The following PNPLA8 variants were observed in gnomAD, a reference collection of about 807,000 sequenced individuals.
PNPLA8 encodes patatin like domain 8, phospholipase A2.
PNPLA8 carries 39 observed loss-of-function variants against 76.9 expected under a neutral mutation model. The observed-to-expected ratio is 0.51, with a 90% CI of 0.39 to 0.66. The LOEUF (loss-of-function observed/expected upper bound fraction) is 0.66, where lower values mean the gene tolerates loss of function less well. Ranked by LOEUF, PNPLA8 falls within the 30% of genes least tolerant of loss-of-function variation. The probability of loss-of-function intolerance (pLI) is 0.00; values close to 1 mark genes in which losing one functional copy is unlikely to be tolerated. For missense variants in PNPLA8, 887 were observed against 918.0 expected (o/e 0.97, Z 0.44); for synonymous variants, 301 against 307.9 (o/e 0.98, Z 0.24).
At chr7:108,502,704 AT>A in intron 4 of PNPLA8, 62 bp from the exon 5 acceptor site, 2 of 1,226,570 alleles carry the variant, frequency 1.6e-6, no homozygotes, top group Non-Finnish European at 2.3e-6. Flanking sequence ...ATGTATGATT[AT>A]TATTAACCAA....
chr7:108,517,438 T>TA, intron 2 of PNPLA8, among the ~76,000 whole-genome samples: 2 of 152,334 alleles, frequency 1.3e-5, no homozygotes, highest in South Asian at 4.1e-4. Flanking sequence ...AAGTCCATAA[T>TA]AAAATCTGCA....
At chr7:108,515,754 T>G (rs1268544046) in intron 2 of PNPLA8, among the ~76,000 whole-genome samples, 180 bp from the exon 3 acceptor site, 1 of 152,134 alleles carries the variant, frequency 6.6e-6, no homozygotes, top group Non-Finnish European at 1.5e-5. Context: ...TCACTTTCAG[T>G]ATAGAGGTAA....
rs569175779 is a variant in PNPLA8 at position 108,502,314 on chromosome 7, G to A, written c.1358+177C>T. 2.9e-3 allele frequency among the ~76,000 whole-genome samples: 436 copies of A among 151,654 alleles called. 1 individual carries two copies. Among genetic ancestry groups the A allele is most frequent in the Non-Finnish European group, 3.7e-3 (254 of 67,872 alleles). The stretch of plus-strand genomic sequence containing the variant: ...AAAAATTAGCCGGGTATGGTGGCGG[G>A]AGCCTGTAAATCCAGCTACTTGAGA... On this transcript the variant is annotated intron_variant, in intron 5 of 10. Coordinates refer to ENST00000257694, the MANE Select transcript of PNPLA8 (RefSeq NM_001256007.3).
At chr7:108,478,674 G>A (rs1410659896) in intron 10 of PNPLA8, among the ~76,000 whole-genome samples, 1 of 152,186 alleles carries the variant, frequency 6.6e-6, no homozygotes, top group Non-Finnish European at 1.5e-5. Context: ...TTACTGGTAT[G>A]AGCCATCGTG....
Position 108,470,742 on chromosome 7 carries a change from C to T in PNPLA8, c.*1659G>A, listed in dbSNP as rs1454661256. 1.3e-5 allele frequency: 2 copies of T among 152,088 alleles called. No homozygotes were observed. Among genetic ancestry groups the T allele is most frequent in the East Asian group, 3.9e-4 (2 of 5,190 alleles). 9.4% of individuals were successfully genotyped at this position (152,088 alleles called of 1,614,324 possible). A position where few individuals can be genotyped will look rare whatever the true frequency, so the allele number is the denominator to read the frequency against. On this transcript the variant is annotated 3_prime_UTR_variant, in exon 11 of 11. Transcript: ENST00000257694. ...TATCTTTAGAAATCATTGGTAGTTT[C>T]CTATTTTATACTATGTCTAAAGTTT...
intron 2 of PNPLA8, among the ~76,000 whole-genome samples, chr7:108,518,723 AT>A (rs1311703605): frequency 2.0e-4 from 1 of 5,094 alleles, no homozygotes; most frequent in Admixed American, 1.8e-3. Context: ...GCACATGAAT[AT>A]ATATATATAT....
chr7:108,507,192 A>G (rs1050320846), intron 4 of PNPLA8, among the ~76,000 whole-genome samples: 8 of 151,782 alleles, frequency 5.3e-5, no homozygotes, highest in Non-Finnish European at 1.0e-4. Flanking sequence ...AAGATACAAA[A>G]ATTAGCTGGG....
At chr7:108,480,807 A>G in intron 9 of PNPLA8, 1 of 314,938 alleles carries the variant, frequency 3.2e-6, no homozygotes, top group Non-Finnish European at 6.7e-6. Context: ...TAATGCATAT[A>G]GATTTGTGTA....
intron 1 of PNPLA8, 91 bp downstream of exon 1, chr7:108,525,938 A>C (rs905099234): frequency 1.9e-6 from 1 of 536,576 alleles, no homozygotes; most frequent in African/African-American, 2.1e-5. Context: ...CCCTCCAAAG[A>C]AAGAAAGGAC....
At position 108,514,560 on chromosome 7, in the gene PNPLA8, G is replaced by A. The variant is rs1863164771; in HGVS notation, c.932C>T (p.Pro311Leu). The change falls in exon 3 of 11, where the codon CCC becomes CTC. Residue 311 changes from proline to leucine, a missense_variant. Transcript: ENST00000257694. Reference sequence around the variant, plus strand: ...ACTCTTTGAATCATACTTTAATTTGGGGACAAGTCCACCAATATAACCACC... The same window carrying A: ...ACTCTTTGAATCATACTTTAATTTGAGGACAAGTCCACCAATATAACCACC... ...LVGGYIGGLV[P>L]KLKYDSKSQS... 1.2e-6 allele frequency: 2 copies of A among 1,613,798 alleles called. No individual in the cohort carries two copies. The highest frequency in any genetic ancestry group is 1.3e-5 in the African/African-American group (1 of 74,960).
At chr7:108,480,860 A>C (rs536717449) in intron 9 of PNPLA8, 5 of 239,226 alleles carry the variant, frequency 2.1e-5, no homozygotes, top group South Asian at 1.3e-4. Context: ...CATCACCCCC[A>C]AAAACTCTCT....
chr7:108,527,879 G>A (rs977384392), upstream of PNPLA8: 10 of 152,220 alleles, frequency 6.6e-5, no homozygotes, highest in African/African-American at 2.4e-4. Context: ...CCTAACTAAA[G>A]TATGGTCAAG....
chr7:108,507,887 T>A (rs903440821), intron 4 of PNPLA8, among the ~76,000 whole-genome samples: 18 of 147,454 alleles, frequency 1.2e-4, no homozygotes, highest in Non-Finnish European at 1.6e-4. Flanking sequence ...AATCAATAAA[T>A]GTAATCCAGC....
chr7:108,494,368 C>T (rs1050502588), intron 7 of PNPLA8, among the ~76,000 whole-genome samples: 2 of 152,152 alleles, frequency 1.3e-5, no homozygotes, highest in African/African-American at 4.8e-5. Flanking sequence ...TCCCACTCTC[C>T]CTCCTGTCTA....
chr7:108,496,683 A>C lies in PNPLA8; in HGVS notation c.1526T>G (p.Leu509Ter). 6.2e-7 allele frequency: 1 copy of C among 1,611,646 alleles called. No homozygotes were observed. Residue 509 changes from leucine to a stop codon, truncating the protein, a stop_gained, in exon 7 of 11, where the codon TTA becomes TGA. Coordinates refer to ENST00000257694, the MANE Select transcript of PNPLA8 (RefSeq NM_001256007.3). LOFTEE classifies it high-confidence loss of function. ...ATTTTGTGAAAATACATCTGATCCT[A>C]ATTTTCGATAAAGTTCCTCACATTC... ...LDECEELYRK[L>*]GSDVFSQNVI...
chr7:108,477,696 C>CA (rs910112472), intron 10 of PNPLA8, among the ~76,000 whole-genome samples: 9 of 151,842 alleles, frequency 5.9e-5, no homozygotes, highest in African/African-American at 2.2e-4. Flanking sequence ...CCCATCTCTA[C>CA]AAAAAAAGGT....
Position 108,471,690 on chromosome 7 carries a change from A to G in PNPLA8, c.*711T>C, listed in dbSNP as rs1859642673. The G allele has an allele frequency of 6.6e-6, 1 of 152,250 alleles. No homozygotes were observed. Among genetic ancestry groups the G allele is most frequent in the South Asian group, 2.1e-4 (1 of 4,830 alleles). 9.4% of individuals were successfully genotyped at this position (152,250 alleles called of 1,614,324 possible). ...CTCCTCAGTAAGTTCAAACCATTTT[A>G]TAACAGGGAAGAATAAGCTAGTGTT... On this transcript the variant is annotated 3_prime_UTR_variant, in exon 11 of 11. Coordinates refer to ENST00000257694, the MANE Select transcript of PNPLA8 (RefSeq NM_001256007.3).
rs747534732 is a variant in PNPLA8 at position 108,515,064 on chromosome 7, C to A, written c.428G>T (p.Gly143Val). ...SQILRKVSDS[G>V]WLKQKNIKQA... is the part of the protein sequence containing the mutation. The stretch of plus-strand genomic sequence containing the variant: ...TTTGATGTTTTTCTGTTTTAACCAG[C>A]CACTATCCGATACTTTTCTTAAAAT... The change falls in exon 3 of 11, where the codon GGC (glycine) becomes GTC (valine). Residue 143 changes from glycine (G) to valine (V), a missense_variant. Gly to Val is a moderately radical substitution (Grantham distance 109, BLOSUM62 -3). Transcript: ENST00000257694. 1.9e-6 allele frequency: 3 copies of A among 1,607,688 alleles called. No homozygotes were observed. The South Asian group carries it at 3.3e-5, about 18-fold the overall frequency.
chr7:108,485,384 T>G (rs1860674917), intron 9 of PNPLA8, among the ~76,000 whole-genome samples: 1 of 152,102 alleles, frequency 6.6e-6, no homozygotes, highest in African/African-American at 2.4e-5. Flanking sequence ...CAAAGGCAAA[T>G]GAATCTCCCC....
Sources: allele counts gnomAD v4.1 joint callset (sites outside exome capture counted in the v4.1 genomes callset), GRCh38; gene constraint gnomAD v4.1.1; transcripts MANE v1.5; gene names NCBI Gene and HGNC (gene_info 2026-07-23, HGNC 2026-07-21).